GPATCH2L: variants seen among roughly 807,000 people sequenced by gnomAD.
GPATCH2L encodes the protein G patch domain-containing protein 2-like.
Under a neutral mutation model 57.4 loss-of-function variants are expected in GPATCH2L, and 31 were observed. The ratio of observed to expected loss-of-function variants is 0.54; its 90% CI spans 0.41 to 0.73. The LOEUF is 0.73. GPATCH2L is among the 30% of genes least tolerant of loss of function. The pLI is 0.00. For synonymous variants in GPATCH2L, 199 were observed against 210.7 expected, an observed-to-expected ratio of 0.94 and a Z score of 0.48; for missense variants, 481 against 599.9, an observed-to-expected ratio of 0.80 and a Z score of 2.07.
intron 9 of GPATCH2L, among the ~76,000 whole-genome samples, chr14:76,198,835 A>C (rs146754681): frequency 1.3e-5 from 2 of 152,310 alleles, no homozygotes; most frequent in East Asian, 3.9e-4. Context: ...CATCTAAATG[A>C]ATACCTAGCC....
At chr14:76,159,320 T>A (rs751682867) in intron 2 of GPATCH2L, among the ~76,000 whole-genome samples, 2 of 152,254 alleles carry the variant, frequency 1.3e-5, no homozygotes, top group Non-Finnish European at 2.9e-5. Context: ...CAAAGATTCA[T>A]TCTTTCTCTC....
chr14:76,196,394 G>T lies in GPATCH2L; in HGVS notation c.1288+422G>T, dbSNP rs1361335465. The T allele has an allele frequency of 4.2e-5, 11 of 261,342 alleles. No homozygotes were observed. In the East Asian group the frequency reaches 4.9e-4, roughly 12 times the overall value. 16.2% of individuals were successfully genotyped at this position (261,342 alleles called of 1,614,324 possible). On this transcript the variant is annotated intron_variant, in intron 9 of 9. Coordinates refer to ENST00000261530, the MANE Select transcript of GPATCH2L (RefSeq NM_017926.4). ...AGAATGCTAATATTTTACTGGTCATGACATTCCTAATTAAAAACAATTTTT... is the reference window on the plus strand; with the variant it reads ...AGAATGCTAATATTTTACTGGTCATTACATTCCTAATTAAAAACAATTTTT...
chr14:76,212,334 AAC>A lies in GPATCH2L; in HGVS notation c.*10487_*10488del. The A allele has an allele frequency of 6.6e-6, 1 of 152,102 alleles. No individual in the cohort carries two copies. The highest frequency in any genetic ancestry group is 1.5e-5 in the Non-Finnish European group (1 of 67,984). The allele number at this position is 152,102 out of a possible 1,614,324, so 9.4% of individuals were successfully genotyped here. A position where few individuals can be genotyped will look rare whatever the true frequency, so the allele number is the denominator to read the frequency against. On this transcript the variant is annotated 3_prime_UTR_variant, in exon 10 of 10. Coordinates refer to ENST00000261530, the MANE Select transcript of GPATCH2L (RefSeq NM_017926.4). ...AGGTTGAGCAAAAGTAAACCAAGCAAACACAAACAAGAAAATGAGTTGTAGTC... is the reference window on the plus strand; with the variant it reads ...AGGTTGAGCAAAAGTAAACCAAGCAAACAAACAAGAAAATGAGTTGTAGTC...
chr14:76,165,097 G>A (rs949630882), intron 2 of GPATCH2L, among the ~76,000 whole-genome samples: 3 of 152,314 alleles, frequency 2.0e-5, no homozygotes, highest in South Asian at 2.1e-4. Flanking sequence ...AGTTGGATGT[G>A]GTTCAGTTGC....
In GPATCH2L at chr14:76,214,236, A is replaced by G. The variant is rs1258102916; in HGVS notation, c.*12385A>G. 6.6e-6 allele frequency: 1 copy of G among 152,192 alleles called. No individual in the cohort carries two copies. Among genetic ancestry groups the G allele is most frequent in the Non-Finnish European group, 1.5e-5 (1 of 68,018 alleles). 9.4% of individuals were successfully genotyped at this position (152,192 alleles called of 1,614,324 possible). A position where few individuals can be genotyped will look rare whatever the true frequency, so the allele number is the denominator to read the frequency against. On this transcript the variant is annotated 3_prime_UTR_variant, in exon 10 of 10. Transcript: ENST00000261530. ...AAGAATAGGAGATGTATTTCCATTT[A>G]TTCAAGTCTATTTTGTGCCTTTTAG... is the stretch of plus-strand genomic sequence containing the variant.
At position 76,154,593 on chromosome 14, in the gene GPATCH2L, G is replaced by A. The variant is rs1397941731; in HGVS notation, c.230G>A (p.Arg77Gln). The A allele has an allele frequency of 6.2e-7, 1 of 1,614,236 alleles. No homozygotes were observed. The highest frequency in any genetic ancestry group is 1.1e-5 in the South Asian group (1 of 91,082). Residue 77 changes from arginine to glutamine, a missense_variant, in exon 2 of 10, where the codon CGA becomes CAA. This residue lies in a region of GPATCH2L where 208 missense variants were observed against 272.4 expected (regional missense o/e 0.76). Coordinates refer to ENST00000261530, the MANE Select transcript of GPATCH2L (RefSeq NM_017926.4). This position sits in a 1 kb window ranked among gnomAD's most constrained non-coding sequence, Gnocchi z 4.4. ...CTGGATGAGGCCACTAAGGACTGTC[G>A]AGAAGTGGCTCCGGTGACCAATTTT... The part of the protein sequence containing the change: ...SSLDEATKDC[R>Q]EVAPVTNFSD...
chr14:76,202,894 G>C lies in GPATCH2L; in HGVS notation c.*1043G>C, dbSNP rs2040332805. On this transcript the variant is annotated 3_prime_UTR_variant, in exon 10 of 10. Coordinates refer to ENST00000261530, the MANE Select transcript of GPATCH2L (RefSeq NM_017926.4). Reference sequence around the variant, plus strand: ...AAAATGAGAAATAAGTGATGGCCTGGAGCTGCTGGAGAGAAGCCACGCTTT... The same window carrying C: ...AAAATGAGAAATAAGTGATGGCCTGCAGCTGCTGGAGAGAAGCCACGCTTT... The C allele has an allele frequency of 6.6e-6, 1 of 152,404 alleles. No individual in the cohort carries two copies. The highest frequency in any genetic ancestry group is 1.5e-5 in the Non-Finnish European group (1 of 68,056). The allele number at this position is 152,404 out of a possible 1,614,324, so 9.4% of individuals were successfully genotyped here. A position where few individuals can be genotyped will look rare whatever the true frequency, so the allele number is the denominator to read the frequency against.
chr14:76,156,105 G>T (rs1380167943), intron 2 of GPATCH2L, among the ~76,000 whole-genome samples: 2 of 152,310 alleles, frequency 1.3e-5, no homozygotes, highest in East Asian at 3.9e-4. Context: ...GGAAGTTGAG[G>T]TTATAAGAGC....
intron 2 of GPATCH2L, among the ~76,000 whole-genome samples, chr14:76,165,785 G>T (rs1397514068): frequency 1.3e-5 from 2 of 152,152 alleles, no homozygotes; most frequent in Non-Finnish European, 1.5e-5. Flanking sequence ...CAGGAATATA[G>T]ATTGGGATTT....
At position 76,198,730 on chromosome 14, in the gene GPATCH2L, A is replaced by G. The variant is rs28715793; in HGVS notation, c.1288+2758A>G. 6.1e-3 allele frequency among the ~76,000 whole-genome samples: 925 copies of G among 152,068 alleles called. 9 individuals are homozygous for G. Among genetic ancestry groups the G allele is most frequent in the African/African-American group, 0.022 (890 of 41,328 alleles). The stretch of plus-strand genomic sequence containing the variant: ...TCAAATACTAGGTCAGTGATATGAG[A>G]GCGAGAGAGAGAGATTTGAATTGTC... On this transcript the variant is annotated intron_variant, in intron 9 of 9. Transcript: ENST00000261530.
rs576954904 is a variant in GPATCH2L, at chr14:76,203,316, T to G, written c.*1465T>G. ...ATGGCACTTTAAGACTGAGAACATA[T>G]CAATTGTTCATAATCAGGAATATGG... On this transcript the variant is annotated 3_prime_UTR_variant, in exon 10 of 10. Transcript: ENST00000261530. 2.6e-5 allele frequency: 4 copies of G among 152,334 alleles called. No homozygotes were observed. The South Asian group carries it at 8.3e-4, about 32-fold the overall frequency. The allele number at this position is 152,334 out of a possible 1,614,324, so 9.4% of individuals were successfully genotyped here. A position where few individuals can be genotyped will look rare whatever the true frequency, so the allele number is the denominator to read the frequency against.
chr14:76,181,398 C>T (rs1027051276), intron 8 of GPATCH2L, among the ~76,000 whole-genome samples: 1 of 152,220 alleles, frequency 6.6e-6, no homozygotes, highest in Non-Finnish European at 1.5e-5. Context: ...CTCAGACCAT[C>T]CCGTCTAAGG....
chr14:76,164,062 T>G (rs1443860691), intron 2 of GPATCH2L, among the ~76,000 whole-genome samples: 2 of 152,168 alleles, frequency 1.3e-5, no homozygotes, highest in Non-Finnish European at 2.9e-5. Flanking sequence ...GCCTTCTGAT[T>G]GTTTCTGGAT....
At chr14:76,181,970 A>C (rs1187807788) in intron 8 of GPATCH2L, among the ~76,000 whole-genome samples, 2 of 152,210 alleles carry the variant, frequency 1.3e-5, no homozygotes, top group Admixed American at 1.3e-4. Flanking sequence ...TAAATTTTGC[A>C]CCATAACCTA....
At chr14:76,215,588 A>T (rs1262491300), downstream of GPATCH2L, among the ~76,000 whole-genome samples, 1 of 151,874 alleles carries the variant, frequency 6.6e-6, no homozygotes, top group Non-Finnish European at 1.5e-5. Context: ...ATGCAGCCAT[A>T]AAAAATGAGG....
rs916064218 is a variant in GPATCH2L, at chr14:76,207,027, G to T, written c.*5176G>T. On this transcript the variant is annotated 3_prime_UTR_variant, in exon 10 of 10. Transcript: ENST00000261530. ...GGATGGAAATAACCTTTTGAAAATG[G>T]ATAAAGCCTGGGTGTGGTGACTCAC... 1.3e-5 allele frequency: 2 copies of T among 152,170 alleles called. No homozygotes were observed. The highest frequency in any genetic ancestry group is 4.8e-5 in the African/African-American group (2 of 41,432). The allele number at this position is 152,170 out of a possible 1,614,324, so 9.4% of individuals were successfully genotyped here. A position where few individuals can be genotyped will look rare whatever the true frequency, so the allele number is the denominator to read the frequency against.
intron 2 of GPATCH2L, among the ~76,000 whole-genome samples, chr14:76,232,017 T>TGCAGG (rs1236478007): frequency 0.025 from 124 of 4,896 alleles, no homozygotes; most frequent in African/African-American, 0.032. Flanking sequence ...GCTCAAGCAA[T>TGCAGG]CTTCCTGCTT....
chr14:76,219,874 G>C (rs955464402), intron 1 of GPATCH2L, among the ~76,000 whole-genome samples: 2 of 152,168 alleles, frequency 1.3e-5, no homozygotes, highest in Non-Finnish European at 2.9e-5. Context: ...TTAAAATTAT[G>C]TTTTGTTTGA....
chr14:76,168,333 A>T (rs116483011), intron 3 of GPATCH2L, among the ~76,000 whole-genome samples: 4,402 of 152,308 alleles, frequency 0.029, 226 homozygotes, highest in African/African-American at 0.1. Flanking sequence ...TCAACAGAAG[A>T]CCAAAGGGAG....
Sources: allele counts gnomAD v4.1 joint callset (sites outside exome capture counted in the v4.1 genomes callset), GRCh38; gene constraint gnomAD v4.1.1; regional missense constraint gnomAD v4.1.1; non-coding constraint Gnocchi (gnomAD v3.1); transcripts MANE v1.5; gene names NCBI Gene and HGNC (gene_info 2026-07-23, HGNC 2026-07-21).